Variants in EXOC6B observed in about 807,000 individuals in gnomAD.
EXOC6B encodes SEC15 homolog B.
In EXOC6B, 54 loss-of-function variants were observed where a neutral mutation model predicts 113.5. That is an observed-to-expected ratio of 0.48 (90% CI 0.38 to 0.60). EXOC6B has a LOEUF of 0.60. Ranked by LOEUF, EXOC6B falls within the 20% of genes least tolerant of loss-of-function variation. The probability of loss-of-function intolerance (pLI) is 0.00; values close to 1 mark genes in which losing one functional copy is unlikely to be tolerated. For synonymous variants in EXOC6B, 357 were observed against 339.0 expected (o/e 1.05, Z -0.58); for missense variants, 797 against 977.5 (o/e 0.82, Z 2.46).
intron 6 of EXOC6B, among the ~76,000 whole-genome samples, chr2:72,680,867 G>C (rs1676653172): frequency 6.6e-6 from 1 of 152,040 alleles, no homozygotes; most frequent in South Asian, 2.1e-4. Context: ...GTCAATTCTA[G>C]GGGAAAAAAG....
Position 72,278,767 on chromosome 2 carries a change from G to A in EXOC6B, c.2196+56180C>T, listed in dbSNP as rs559486122. ...ATGAAAATATCTAGTACTGTTCCTA[G>A]TGCATATTTGATTTAGGGCCTCATG... On this transcript the variant is annotated intron_variant, in intron 20 of 21. Coordinates refer to ENST00000272427, the MANE Select transcript of EXOC6B (RefSeq NM_015189.3). Among the ~76,000 whole-genome samples the A allele has an allele frequency of 2.6e-5, 4 of 152,264 alleles. No individual in the cohort carries two copies. In the South Asian group the frequency reaches 8.3e-4, roughly 32 times the overall value.
intron 1 of EXOC6B, among the ~76,000 whole-genome samples, chr2:72,815,595 C>G (rs138592909): frequency 2.2e-3 from 327 of 151,846 alleles, no homozygotes; most frequent in Admixed American, 6.1e-3. Context: ...TTCAGCCTCA[C>G]TCACAATAAG....
At chr2:72,277,505 TC>T (rs1684872115) in intron 20 of EXOC6B, among the ~76,000 whole-genome samples, 1 of 151,980 alleles carries the variant, frequency 6.6e-6, no homozygotes, top group African/African-American at 2.4e-5. Context: ...TTTTTTTTTT[TC>T]TTTTTCTGGA....
At chr2:72,617,129 C>G (rs926070903) in intron 6 of EXOC6B, among the ~76,000 whole-genome samples, 1 of 152,224 alleles carries the variant, frequency 6.6e-6, no homozygotes, top group African/African-American at 2.4e-5. Context: ...TGTCTCGCAT[C>G]CAGGTCACTC....
At chr2:72,443,947 G>C (rs1374813671) in intron 18 of EXOC6B, among the ~76,000 whole-genome samples, 1 of 152,046 alleles carries the variant, frequency 6.6e-6, no homozygotes, top group Non-Finnish European at 1.5e-5. Context: ...AACCAACCCT[G>C]CCTTCCCAAC....
chr2:72,672,964 G>C (rs372518746), intron 6 of EXOC6B, among the ~76,000 whole-genome samples: 13 of 152,212 alleles, frequency 8.5e-5, no homozygotes, highest in African/African-American at 2.9e-4. Flanking sequence ...ATAAAGAAAA[G>C]ATACATATTT....
intron 18 of EXOC6B, among the ~76,000 whole-genome samples, chr2:72,408,713 AG>A (rs1573054604): frequency 1.3e-5 from 2 of 152,202 alleles, no homozygotes; most frequent in African/African-American, 2.4e-5. Flanking sequence ...ACAAAAATTA[AG>A]TTAAGATGGA....
intron 16 of EXOC6B, 129 bp from the exon 17 acceptor site, chr2:72,480,879 G>T (rs1456548409): frequency 7.6e-6 from 7 of 924,704 alleles, no homozygotes; most frequent in South Asian, 5.3e-5. Flanking sequence ...TCGGGCAAGG[G>T]GTATGTTAAA....
At chr2:72,490,652 T>C (rs1398969069) in intron 16 of EXOC6B, among the ~76,000 whole-genome samples, 1 of 152,190 alleles carries the variant, frequency 6.6e-6, no homozygotes, top group Non-Finnish European at 1.5e-5. Flanking sequence ...GAAAGTATAG[T>C]TCCCTAAAAA....
chr2:72,789,743 T>C (rs1684572709), intron 1 of EXOC6B, among the ~76,000 whole-genome samples: 1 of 152,168 alleles, frequency 6.6e-6, no homozygotes, highest in South Asian at 2.1e-4. Context: ...AGGAAAAATG[T>C]ATATAGATAA....
chr2:72,405,681 C>A (rs1368141345), intron 18 of EXOC6B, among the ~76,000 whole-genome samples: 1 of 152,116 alleles, frequency 6.6e-6, no homozygotes, highest in Non-Finnish European at 1.5e-5. Flanking sequence ...CAGGCCTGCC[C>A]TACAAGAGCT....
intron 1 of EXOC6B, among the ~76,000 whole-genome samples, chr2:72,798,456 T>TAG (rs1685098293): frequency 1.3e-5 from 2 of 152,096 alleles, no homozygotes; most frequent in Admixed American, 6.5e-5. Context: ...ATGCGAGACA[T>TAG]TTTTAATACT....
intron 6 of EXOC6B, among the ~76,000 whole-genome samples, chr2:72,585,733 A>G (rs1705524081): frequency 6.6e-6 from 1 of 152,172 alleles, no homozygotes. Context: ...CACAACCTCT[A>G]AAGATTAAAT....
At chr2:72,604,180 A>G (rs1670610585) in intron 6 of EXOC6B, among the ~76,000 whole-genome samples, 3 of 152,218 alleles carry the variant, frequency 2.0e-5, no homozygotes, top group Admixed American at 1.3e-4. Flanking sequence ...AGGAAGAAGT[A>G]TAATACAAAA....
intron 1 of EXOC6B, among the ~76,000 whole-genome samples, chr2:72,789,469 T>C (rs2105028291): frequency 6.6e-6 from 1 of 152,312 alleles, no homozygotes; most frequent in South Asian, 2.1e-4. Context: ...TGACAACAAC[T>C]CTGAGTCAAA....
chr2:72,730,301 G>A (rs1680552906), intron 5 of EXOC6B, among the ~76,000 whole-genome samples: 1 of 152,170 alleles, frequency 6.6e-6, no homozygotes, highest in Admixed American at 6.5e-5. Context: ...TAACATTTAA[G>A]TCAGTAGACT....
chr2:72,384,321 G>A (rs1691866417), intron 18 of EXOC6B, among the ~76,000 whole-genome samples: 1 of 151,806 alleles, frequency 6.6e-6, no homozygotes, highest in African/African-American at 2.4e-5. Flanking sequence ...CTCCTTTCAT[G>A]ATTAAAAAAA....
intron 17 of EXOC6B, among the ~76,000 whole-genome samples, chr2:72,477,498 T>G (rs759444027): frequency 7.6e-4 from 116 of 152,308 alleles, no homozygotes; most frequent in Admixed American, 1.6e-3. Context: ...GTATTGCAAC[T>G]ACCTCCCAAT....
chr2:72,537,823 G>A (rs200761416), intron 8 of EXOC6B, among the ~76,000 whole-genome samples: 7 of 151,996 alleles, frequency 4.6e-5, no homozygotes, highest in African/African-American at 1.2e-4. Context: ...ATTCAGATAC[G>A]GTATATCAAG....
Sources: allele counts gnomAD v4.1 joint callset (sites outside exome capture counted in the v4.1 genomes callset), GRCh38; gene constraint gnomAD v4.1.1; transcripts MANE v1.5; gene names NCBI Gene and HGNC (gene_info 2026-07-23, HGNC 2026-07-21).